The following NANS variants were observed in gnomAD, a reference collection of about 807,000 sequenced individuals.
NANS encodes the protein N-acetylneuraminate synthase.
In NANS, 29 loss-of-function variants were observed where a neutral mutation model predicts 33.3. That is an observed-to-expected ratio of 0.87 (90% CI 0.65 to 1.19). The LOEUF (loss-of-function observed/expected upper bound fraction) is 1.19. NANS is among the 50% of genes most tolerant of loss of function. The pLI, the probability that NANS is intolerant of heterozygous loss-of-function variation, is 0.00. For missense variants in NANS, 394 were observed against 461.1 expected, an observed-to-expected ratio of 0.85 and a Z score of 1.33; for synonymous variants, 163 against 177.2, an observed-to-expected ratio of 0.92 and a Z score of 0.64.
chr9:98,058,062 C>T lies in NANS; in HGVS notation c.132+1122C>T, dbSNP rs147539512. ...CTCAGCCTCCCGAGTAGCTGGGACC[C>T]ACAGGCGTGAACCACCATGCTGGGC... On this transcript the variant is annotated intron_variant, in intron 1 of 5. Transcript: ENST00000210444. 3.5e-3 allele frequency among the ~76,000 whole-genome samples: 524 copies of T among 151,432 alleles called. 5 individuals carry two copies. The highest frequency in any genetic ancestry group is 0.011 in the African/African-American group (461 of 41,288).
At chr9:98,061,109 C>A in intron 2 of NANS, 112 bp downstream of exon 2, 1 of 1,022,776 alleles carries the variant, frequency 9.8e-7, no homozygotes, top group Non-Finnish European at 1.5e-6. Context: ...CCTTTCTGTT[C>A]CCAGCTACTG....
chr9:98,065,193 TGA>T (rs1829100685), intron 2 of NANS, among the ~76,000 whole-genome samples: 1 of 152,192 alleles, frequency 6.6e-6, no homozygotes, highest in Non-Finnish European at 1.5e-5. Context: ...GGAGAGTTTC[TGA>T]GATTGTATGT....
intron 2 of NANS, among the ~76,000 whole-genome samples, chr9:98,063,254 C>T (rs1405428516): frequency 6.8e-6 from 1 of 147,508 alleles, no homozygotes; most frequent in African/African-American, 2.5e-5. Flanking sequence ...TTGTTGTTTG[C>T]TTGTTTTGAG....
rs370592018 is a variant in NANS, at chr9:98,077,035, G to T, written c.448+18G>T. 8.2e-6 allele frequency: 13 copies of T among 1,580,446 alleles called. No individual in the cohort carries two copies. The highest frequency in any genetic ancestry group is 1.7e-5 in the Admixed American group (1 of 57,586). On this transcript the variant is annotated intron_variant, in intron 3 of 5. Transcript: ENST00000210444. ...CAAAAAAGGTAAGTGTCTAATTTTT[G>T]ACTTAAAATCGAAGGGAGTCCAAAC...
rs933690453 is a variant in NANS at position 98,083,028 on chromosome 9, T to A, written c.1053T>A (p.Asp351Glu). The A allele has an allele frequency of 3.1e-6, 5 of 1,614,168 alleles. No individual in the cohort carries two copies. Among genetic ancestry groups the A allele is most frequent in the Non-Finnish European group, 4.2e-6 (5 of 1,180,026 alleles). The change falls in exon 6 of 6, where the codon GAT becomes GAA. Residue 351 changes from aspartate to glutamate, a missense_variant. Asp to Glu is a conservative substitution (Grantham distance 45). Transcript: ENST00000210444. ...EDDTIMEELV[D>E]NHGKKIKS ...ACACCATCATGGAAGAATTGGTAGA[T>A]AATCATGGCAAAAAAATCAAGTCTT...
chr9:98,057,480 C>A (rs1828859593), intron 1 of NANS, among the ~76,000 whole-genome samples: 1 of 152,170 alleles, frequency 6.6e-6, no homozygotes, highest in African/African-American at 2.4e-5. Flanking sequence ...TCAGTTCCAC[C>A]ACTACTAGCT....
intron 2 of NANS, among the ~76,000 whole-genome samples, chr9:98,074,085 C>T (rs1334740366): frequency 6.6e-6 from 1 of 152,174 alleles, no homozygotes; most frequent in African/African-American, 2.4e-5. Context: ...CATGCCTGGC[C>T]AGAATTAATA....
At chr9:98,057,018 C>T (rs1828846345) in intron 1 of NANS, 78 bp downstream of exon 1, 6 of 1,442,598 alleles carry the variant, frequency 4.2e-6, no homozygotes, top group Middle Eastern at 2.5e-4. Flanking sequence ...CAGGGCCACA[C>T]GGCCTCCGCG....
chr9:98,060,375 G>A (rs1828938813), intron 1 of NANS, among the ~76,000 whole-genome samples: 1 of 152,102 alleles, frequency 6.6e-6, no homozygotes. Flanking sequence ...TGTTTTTAAA[G>A]ATGGTGATGT....
chr9:98,077,126 C>T (rs1829628716), intron 3 of NANS, 109 bp downstream of exon 3: 2 of 829,968 alleles, frequency 2.4e-6, no homozygotes, highest in South Asian at 1.8e-5. Context: ...AAATTTTAGC[C>T]TCTTTTCATT....
Position 98,078,207 on chromosome 9 carries a change from A to T in NANS, c.463A>T (p.Ile155Phe). 1 of 1,614,152 alleles carries T rather than the reference A, an allele frequency of 6.2e-7. No individual in the cohort carries two copies. Among genetic ancestry groups the T allele is most frequent in the South Asian group, 1.1e-5 (1 of 91,090 alleles). ...GGATTACTCAGGTCGCCCAATGGTG[A>T]TCTCCAGTGGGATGCAGTCAATGGA... ...KTAKKGRPMV[I>F]SSGMQSMDTM... Residue 155 changes from isoleucine (I) to phenylalanine (F), a missense_variant, in exon 4 of 6, where the codon ATC (isoleucine) becomes TTC (phenylalanine). Ile to Phe is a conservative substitution (Grantham distance 21). Coordinates refer to ENST00000210444, the MANE Select transcript of NANS (RefSeq NM_018946.4).
At chr9:98,068,302 T>A (rs1296770007) in intron 2 of NANS, among the ~76,000 whole-genome samples, 6 of 151,184 alleles carry the variant, frequency 4.0e-5, no homozygotes, top group Admixed American at 2.6e-4. Flanking sequence ...GCCCAGCTAA[T>A]TTTTTTTTGT....
Position 98,061,012 on chromosome 9 carries a change from G to A in NANS, c.348+15G>A, listed in dbSNP as rs1345127274. The A allele has an allele frequency of 1.2e-6, 2 of 1,611,746 alleles. No individual in the cohort carries two copies. The highest frequency in any genetic ancestry group is 2.2e-5 in the East Asian group (1 of 44,864). ...GCATGGATGAGGTGAGTCCTCTGCT[G>A]CTCTGTCATTTGTCACTTTAGCAGA... is the stretch of plus-strand genomic sequence containing the variant. On this transcript the variant is annotated intron_variant, in intron 2 of 5. Transcript: ENST00000210444.
chr9:98,077,268 C>T (rs72755456), intron 3 of NANS, among the ~76,000 whole-genome samples: 1 of 152,046 alleles, frequency 6.6e-6, no homozygotes, highest in Non-Finnish European at 1.5e-5. Flanking sequence ...CTGCCAGAAA[C>T]CTCTTTTCAA....
At chr9:98,065,563 T>A (rs1829122604) in intron 2 of NANS, among the ~76,000 whole-genome samples, 1 of 140,308 alleles carries the variant, frequency 7.1e-6, no homozygotes, top group Non-Finnish European at 1.5e-5. Context: ...GGTCTCGAAC[T>A]CCTGACCTCA....
chr9:98,064,305 G>A (rs1829071370), intron 2 of NANS, among the ~76,000 whole-genome samples: 1 of 151,946 alleles, frequency 6.6e-6, no homozygotes, highest in African/African-American at 2.4e-5. Context: ...TCAAGCTGGA[G>A]TGCAATGGCA....
chr9:98,081,011 C>T lies in NANS; in HGVS notation c.799C>T (p.Arg267Cys), dbSNP rs1269279312. ...ACTGGCCGAGCTGGTGCGGTCAGTG[C>T]GTCTTGTGGAGCGTGCCCTGGGCTC... ...GELAELVRSV[R>C]LVERALGSPT... The change falls in exon 5 of 6, where the codon CGT becomes TGT. Residue 267 changes from arginine to cysteine, a missense_variant. Coordinates refer to ENST00000210444, the MANE Select transcript of NANS (RefSeq NM_018946.4). 9 of 1,614,196 alleles carry T rather than the reference C, an allele frequency of 5.6e-6. No individual in the cohort carries two copies. Among genetic ancestry groups the T allele is most frequent in the Non-Finnish European group, 7.6e-6 (9 of 1,180,038 alleles).
intron 4 of NANS, among the ~76,000 whole-genome samples, chr9:98,079,804 C>T (rs1164228063): frequency 2.0e-5 from 3 of 152,218 alleles, no homozygotes; most frequent in African/African-American, 7.2e-5. Flanking sequence ...CCATCTTGGG[C>T]CTGCACATAG....
chr9:98,059,148 C>G (rs1019906125), intron 1 of NANS, among the ~76,000 whole-genome samples: 34 of 151,866 alleles, frequency 2.2e-4, no homozygotes, highest in African/African-American at 8.2e-4. Flanking sequence ...CTCAGCCTCC[C>G]GAGTAGCTGG....
Sources: allele counts gnomAD v4.1 joint callset (sites outside exome capture counted in the v4.1 genomes callset), GRCh38; gene constraint gnomAD v4.1.1; transcripts MANE v1.5; gene names NCBI Gene and HGNC (gene_info 2026-07-23, HGNC 2026-07-21).